DTL: variants seen among roughly 807,000 people sequenced by gnomAD.
DTL encodes denticleless E3 ubiquitin protein ligase adapter.
In DTL, 46 loss-of-function variants were observed where a neutral mutation model predicts 87.0. The observed-to-expected ratio is 0.53, with a 90% confidence interval of 0.42 to 0.68. The LOEUF (loss-of-function observed/expected upper bound fraction) is 0.68, where lower values mean the gene tolerates loss of function less well. Ranked by LOEUF, DTL falls within the 30% of genes least tolerant of loss-of-function variation. The pLI is 0.00. For synonymous variants in DTL, 308 were observed against 311.2 expected (o/e 0.99, Z 0.11); for missense variants, 737 against 869.4 (o/e 0.85, Z 1.91).
At chr1:212,056,317 A>G (rs1035020445) in intron 5 of DTL, among the ~76,000 whole-genome samples, 1 of 152,198 alleles carries the variant, frequency 6.6e-6, no homozygotes, top group Non-Finnish European at 1.5e-5. Flanking sequence ...TGGTATTTCA[A>G]TTTCTGGCAA....
In DTL at chr1:212,068,579, C is replaced by G. The variant is rs773081177; in HGVS notation, c.818-20C>G. 2.6e-6 allele frequency: 4 copies of G among 1,534,824 alleles called. No homozygotes were observed. Among genetic ancestry groups the G allele is most frequent in the Non-Finnish European group, 3.6e-6 (4 of 1,109,012 alleles). ...ACTCACCATCATCAGGACGTGCTAA[C>G]TTAAGTTTCCTTTTTCCAGGATATT... On this transcript the variant is annotated intron_variant, in intron 9 of 14. Coordinates refer to ENST00000366991, the MANE Select transcript of DTL (RefSeq NM_016448.4).
chr1:212,048,104 A>G (rs557572130), intron 5 of DTL, among the ~76,000 whole-genome samples: 1 of 152,340 alleles, frequency 6.6e-6, no homozygotes, highest in East Asian at 1.9e-4. Flanking sequence ...TAAAATCTAA[A>G]TGAGCTATAA....
At chr1:212,074,086 T>C (rs967140079) in intron 11 of DTL, among the ~76,000 whole-genome samples, 1 of 151,924 alleles carries the variant, frequency 6.6e-6, no homozygotes, top group Non-Finnish European at 1.5e-5. Context: ...ACAAAAAGCA[T>C]ATAAGAATAA....
rs148371837 is a variant in DTL, at chr1:212,103,539, A to G, written c.*599A>G. On this transcript the variant is annotated 3_prime_UTR_variant, in exon 15 of 15. Transcript: ENST00000366991. ...AAATGCAGTCTCTTGAGTTAAAGTCATCTTTATTTTAAATGCAGTGATAAA... is the reference window on the plus strand; with the variant it reads ...AAATGCAGTCTCTTGAGTTAAAGTCGTCTTTATTTTAAATGCAGTGATAAA... The G allele has an allele frequency of 2.6e-5, 4 of 152,346 alleles. No homozygotes were observed. The highest frequency in any genetic ancestry group is 6.5e-5 in the Admixed American group (1 of 15,298). 9.4% of individuals were successfully genotyped at this position (152,346 alleles called of 1,614,324 possible).
intron 1 of DTL, among the ~76,000 whole-genome samples, chr1:212,038,246 C>T (rs1445508369): frequency 1.3e-5 from 2 of 152,178 alleles, no homozygotes; most frequent in African/African-American, 2.4e-5. Flanking sequence ...TTGATTTTTT[C>T]CTCATGAACA....
At chr1:212,050,162 C>T (rs779622435) in intron 5 of DTL, among the ~76,000 whole-genome samples, 87 of 152,058 alleles carry the variant, frequency 5.7e-4, no homozygotes, top group Non-Finnish European at 8.8e-4. Context: ...TAGAGTGAGA[C>T]CCAGTCTCAA....
intron 11 of DTL, among the ~76,000 whole-genome samples, chr1:212,072,987 G>A (rs1264661812): frequency 5.3e-5 from 8 of 152,114 alleles, no homozygotes; most frequent in Middle Eastern, 3.4e-3. Context: ...GGATGGTCTC[G>A]ATCTCCTGAC....
At chr1:212,093,187 C>A (rs1655337396) in intron 13 of DTL, among the ~76,000 whole-genome samples, 1 of 152,076 alleles carries the variant, frequency 6.6e-6, no homozygotes, top group Non-Finnish European at 1.5e-5. Context: ...TCTTCAATGC[C>A]CCGGTGCTCA....
In DTL at chr1:212,035,773, T is replaced by A; in HGVS notation, c.-118T>A. The A allele has an allele frequency of 1.1e-6, 1 of 951,436 alleles. No homozygotes were observed. The allele number at this position is 951,436 out of a possible 1,614,324, so 58.9% of individuals were successfully genotyped here. ...GGAGTTTGGCGGCCGGGGCTTACAG[T>A]GGCGGGAGTTGGAGGCGATAACGAT... On this transcript the variant is annotated 5_prime_UTR_variant, in exon 1 of 15. Coordinates refer to ENST00000366991, the MANE Select transcript of DTL (RefSeq NM_016448.4).
At chr1:212,061,951 T>C (rs1654337433) in intron 5 of DTL, among the ~76,000 whole-genome samples, 1 of 152,158 alleles carries the variant, frequency 6.6e-6, no homozygotes, top group Admixed American at 6.5e-5. Flanking sequence ...ACCTGACTAT[T>C]GTCACCTTAC....
intron 9 of DTL, 132 bp downstream of exon 9, chr1:212,068,459 T>C: frequency 1.2e-6 from 1 of 831,200 alleles, no homozygotes; most frequent in Non-Finnish European, 1.9e-6. Context: ...CTCAGAAGAA[T>C]GTTTTTGGTT....
At chr1:212,066,421 A>G (rs773997761) in intron 7 of DTL, among the ~76,000 whole-genome samples, 22 of 152,174 alleles carry the variant, frequency 1.4e-4, no homozygotes, top group Non-Finnish European at 2.5e-4. Context: ...TTTATTCATA[A>G]TTCTTTTGAT....
chr1:212,038,056 A>G (rs1478367589), intron 1 of DTL, among the ~76,000 whole-genome samples: 2 of 152,150 alleles, frequency 1.3e-5, no homozygotes, highest in Non-Finnish European at 2.9e-5. Context: ...ACCAGACACT[A>G]TTTCATCACA....
At chr1:212,058,645 G>A (rs1668249817) in intron 5 of DTL, among the ~76,000 whole-genome samples, 1 of 151,714 alleles carries the variant, frequency 6.6e-6, no homozygotes, top group South Asian at 2.1e-4. Context: ...AACTAGAAAA[G>A]CAAGAACAAA....
chr1:212,068,372 T>TA (rs35528691), intron 9 of DTL, 45 bp downstream of exon 9: 28,050 of 945,466 alleles, frequency 0.03, 151 homozygotes, highest in African/African-American at 0.094. Context: ...AGTTTTTGTT[T>TA]AAAAAAAAAA....
rs146803839 is a variant in DTL, at chr1:212,047,823, G to A, written c.460+406G>A. ...AGTGCTAGGATCACAGGCGTGAGCC[G>A]CTGCACCCAGCCAGGTGATTAAGAT... On this transcript the variant is annotated intron_variant, in intron 5 of 14. Coordinates refer to ENST00000366991, the MANE Select transcript of DTL (RefSeq NM_016448.4). 5.5e-3 allele frequency among the ~76,000 whole-genome samples: 833 copies of A among 152,260 alleles called. 4 individuals are homozygous for A. The highest frequency in any genetic ancestry group is 0.019 in the African/African-American group (788 of 41,570).
intron 5 of DTL, among the ~76,000 whole-genome samples, chr1:212,050,022 T>G (rs3010018): frequency 0.046 from 6,989 of 150,812 alleles, 225 homozygotes; most frequent in African/African-American, 0.084. Context: ...AAACAGAAAA[T>G]TAGCTTGGTA....
rs533405137 is a variant in DTL, at chr1:212,035,801, G to A, written c.-90G>A. ...CGGGAGTTGGAGGCGATAACGATTTGTGTTGTGAGAGGCGCAAGCTGCGAT... is the reference window on the plus strand; with the variant it reads ...CGGGAGTTGGAGGCGATAACGATTTATGTTGTGAGAGGCGCAAGCTGCGAT... On this transcript the variant is annotated 5_prime_UTR_variant, in exon 1 of 15. In the 5' UTR this introduces an upstream ATG that the reference lacks. Coordinates refer to ENST00000366991, the MANE Select transcript of DTL (RefSeq NM_016448.4). 5.0e-5 allele frequency: 64 copies of A among 1,290,790 alleles called. No individual in the cohort carries two copies. The African/African-American group carries it at 8.2e-4, about 17-fold the overall frequency. 80.0% of individuals were successfully genotyped at this position (1,290,790 alleles called of 1,614,324 possible).
In DTL at chr1:212,035,754, T is replaced by C. The variant is rs1667420368; in HGVS notation, c.-137T>C. ...CGTGACGTCAGTTTGGCGCGGAGTT[T>C]GGCGGCCGGGGCTTACAGTGGCGGG... On this transcript the variant is annotated 5_prime_UTR_variant, in exon 1 of 15. Transcript: ENST00000366991. 1 of 864,258 alleles carries C rather than the reference T, an allele frequency of 1.2e-6. No individual in the cohort carries two copies. The highest frequency in any genetic ancestry group is 1.5e-5 in the South Asian group (1 of 65,678). The allele number at this position is 864,258 out of a possible 1,614,324, so 53.5% of individuals were successfully genotyped here. A position where few individuals can be genotyped will look rare whatever the true frequency, so the allele number is the denominator to read the frequency against.
Sources: gnomAD v4.1 joint callset for allele counts (sites outside exome capture counted in the v4.1 genomes callset) on GRCh38, gnomAD v4.1.1 for gene constraint, MANE v1.5 for transcripts, NCBI Gene and HGNC (gene_info 2026-07-23, HGNC 2026-07-21) for gene names.